FLCN: variants seen among roughly 807,000 people sequenced by gnomAD.
The protein encoded by FLCN is folliculin, also known as BHD skin lesion fibrofolliculoma protein.
FLCN carries 22 observed loss-of-function variants against 62.5 expected under a neutral mutation model. That is an observed-to-expected ratio of 0.35 (90% CI 0.25 to 0.50). The LOEUF (loss-of-function observed/expected upper bound fraction) is 0.50, where lower values mean the gene tolerates loss of function less well. Among genes scored for constraint, FLCN ranks in the 20% least tolerant of loss-of-function variants. The pLI, the probability that FLCN is intolerant of heterozygous loss-of-function variation, is 0.97. For synonymous variants in FLCN, 319 were observed against 310.0 expected, an observed-to-expected ratio of 1.03 and a Z score of -0.30; for missense variants, 657 against 778.0, an observed-to-expected ratio of 0.84 and a Z score of 1.85.
At chr17:17,221,154 G>A in intron 8 of FLCN, 3 of 1,429,848 alleles carry the variant, frequency 2.1e-6, no homozygotes, top group Non-Finnish European at 1.8e-6. Context: ...GCCCTTCATG[G>A]AAAACTTGGG....
chr17:17,212,284 C>T lies in FLCN; in HGVS notation c.*1371G>A, dbSNP rs929779715. 3 of 173,136 alleles carry T rather than the reference C, an allele frequency of 1.7e-5. No individual in the cohort carries two copies. The highest frequency in any genetic ancestry group is 4.8e-5 in the African/African-American group (2 of 42,016). The allele number at this position is 173,136 out of a possible 1,614,324, so 10.7% of individuals were successfully genotyped here. ...AGATACCTAGTTATATAAACTTGGT[C>T]TTCATGTTAAATATAAACACAAAAA... On this transcript the variant is annotated 3_prime_UTR_variant, in exon 14 of 14. Transcript: ENST00000285071.
chr17:17,228,283 C>G, intron 3 of FLCN, 122 bp from the exon 4 acceptor site: 1 of 1,212,610 alleles, frequency 8.2e-7, no homozygotes, highest in Non-Finnish European at 1.1e-6. Context: ...GAGAGGCCAC[C>G]CGCCAGTTCC....
intron 8 of FLCN, chr17:17,219,482 G>T: frequency 2.4e-6 from 1 of 415,692 alleles, no homozygotes. Flanking sequence ...AAATCAGTAA[G>T]AAAAATGCCA....
rs771202158 is a variant in FLCN at position 17,227,928 on chromosome 17, C to T, written c.210G>A (p.Glu70=). 3 of 1,614,044 alleles carry T rather than the reference C, an allele frequency of 1.9e-6. No individual in the cohort carries two copies. The highest frequency in any genetic ancestry group is 1.7e-5 in the Admixed American group (1 of 60,012). The change falls in exon 4 of 14, where the codon GAG becomes GAA. Residue 70 remains glutamate, a synonymous_variant. Transcript: ENST00000285071. ...AHSPAEGASV[E]SSSPGPKKSD... ...ACTTTTTGGGCCCCGGGCTGCTGGA[C>T]TCGACGCTGGCCCCCTCTGCGGGGC...
chr17:17,228,317 TG>T (rs2047322160), intron 3 of FLCN, 156 bp from the exon 4 acceptor site: 1 of 842,656 alleles, frequency 1.2e-6, no homozygotes, highest in Non-Finnish European at 1.8e-6. Flanking sequence ...AGCACTGCTT[TG>T]CCCCAGTGCG....
At chr17:17,222,467 T>A in intron 7 of FLCN, 34 bp downstream of exon 7, 1 of 1,613,900 alleles carries the variant, frequency 6.2e-7, no homozygotes. Context: ...TGCTCTATCC[T>A]AACAGATATG....
intron 2 of FLCN, among the ~76,000 whole-genome samples, chr17:17,232,127 C>T (rs1449320592): frequency 6.6e-6 from 1 of 152,222 alleles, no homozygotes; most frequent in Non-Finnish European, 1.5e-5. Flanking sequence ...AAGATGCAGG[C>T]TGCAGGACAG....
At chr17:17,219,975 A>G (rs2047042468) in intron 8 of FLCN, 1 of 152,208 alleles carries the variant, frequency 6.6e-6, no homozygotes, top group Non-Finnish European at 1.5e-5. Context: ...ATAGTATCCA[A>G]TAGAAAGCAT....
Position 17,219,034 on chromosome 17 carries a change from G to C in FLCN, c.1047C>G (p.Leu349=). Residue 349 remains leucine, a synonymous_variant, in exon 9 of 14, where the codon CTC becomes CTG. Transcript: ENST00000285071. ...TGCCGCCTACCTGCCTCATGTGCCG[G>C]AGGGACTTGAAGACTGGCAGCTTCC... ...QPRKLPVFKS[L]RHMRQVLGAP... 2 of 1,613,768 alleles carry C rather than the reference G, an allele frequency of 1.2e-6. No homozygotes were observed. The highest frequency in any genetic ancestry group is 1.7e-6 in the Non-Finnish European group (2 of 1,179,998).
chr17:17,229,504 CAT>C (rs34682385), intron 3 of FLCN: 68,514 of 152,208 alleles, frequency 0.45, 18,486 homozygotes, highest in East Asian at 0.62. Context: ...TCCTCAAAGC[CAT>C]AGAGACAGAG....
chr17:17,227,757 C>T (rs368829686), intron 4 of FLCN, 132 bp downstream of exon 4: 11 of 1,277,164 alleles, frequency 8.6e-6, no homozygotes, highest in African/African-American at 5.9e-5. Flanking sequence ...TCAGGATGAG[C>T]GGAAAGAACT....
At chr17:17,230,586 C>T (rs948298733) in intron 3 of FLCN, among the ~76,000 whole-genome samples, 8 of 151,482 alleles carry the variant, frequency 5.3e-5, no homozygotes, top group African/African-American at 1.2e-4. Flanking sequence ...CTTAGCTGGG[C>T]GTGTTGGCGG....
chr17:17,226,770 G>A (rs965762611), intron 4 of FLCN, among the ~76,000 whole-genome samples: 3 of 152,146 alleles, frequency 2.0e-5, no homozygotes, highest in African/African-American at 4.8e-5. Context: ...ACCTGGAAGG[G>A]GCTTCAGCCA....
At chr17:17,222,787 G>T in intron 6 of FLCN, 126 bp from the exon 7 acceptor site, 1 of 1,116,072 alleles carries the variant, frequency 9.0e-7, no homozygotes, top group Non-Finnish European at 1.3e-6. Context: ...CTCTCTCCAT[G>T]CAGAGCACAC....
At chr17:17,215,828 C>T (rs575866674) in intron 11 of FLCN, among the ~76,000 whole-genome samples, 13 of 152,258 alleles carry the variant, frequency 8.5e-5, no homozygotes, top group African/African-American at 2.6e-4. Context: ...TGCTGGTCAC[C>T]GCTGTGCTGG....
rs148540578 is a variant in FLCN, at chr17:17,227,817, T to G, written c.249+72A>C. The G allele has an allele frequency of 2.0e-4, 315 of 1,610,504 alleles. 2 individuals carry two copies. In the East Asian group the frequency reaches 5.7e-3, roughly 29 times the overall value. On this transcript the variant is annotated intron_variant, in intron 4 of 13. Transcript: ENST00000285071. ...TGTCACCCCGGGAGGCCCCGTCCAC[T>G]GCTCTCAGGTCCTCCTGTCCATCCC...
Position 17,222,565 on chromosome 17 carries a change from G to A in FLCN, c.715C>T (p.Arg239Cys), listed in dbSNP as rs78683075. ...TCACTTGTCAGCGATGTCAGCGAGCGGGCGGCGTTGCCGTTCCTCTGGTGT... is the reference window on the plus strand; with the variant it reads ...TCACTTGTCAGCGATGTCAGCGAGCAGGCGGCGTTGCCGTTCCTCTGGTGT... The part of the protein sequence containing the change: ...FLHQRNGNAA[R>C]SLTSLTSDDN... Residue 239 changes from arginine to cysteine, a missense_variant, in exon 7 of 14, where the codon CGC (arginine) becomes TGC (cysteine). Transcript: ENST00000285071. 707 of 1,614,232 alleles carry A rather than the reference G, an allele frequency of 4.4e-4. 1 individual carries two copies. The highest frequency in any genetic ancestry group is 5.6e-4 in the Non-Finnish European group (660 of 1,180,052).
Position 17,217,160 on chromosome 17 carries a change from C to A in FLCN, c.1085G>T (p.Arg362Leu), listed in dbSNP as rs559055296. 8 of 1,613,860 alleles carry A rather than the reference C, an allele frequency of 5.0e-6. No individual in the cohort carries two copies. The East Asian group carries it at 6.7e-5, about 13-fold the overall frequency. Residue 362 changes from arginine to leucine, a missense_variant, in exon 10 of 14, where the codon CGC becomes CTC. Physicochemically the swap from Arg to Leu is moderately radical, Grantham distance 102. Transcript: ENST00000285071. Reference protein sequence around the residue: ...MRQVLGAPSFRMLAWHVLMGN... With the variant: ...MRQVLGAPSFLMLAWHVLMGN... The stretch of plus-strand genomic sequence containing the variant: ...CATGAGAACGTGCCAGGCCAGCATG[C>A]GGAAAGAAGGGGCACCCAGGACCTA...
At chr17:17,227,422 A>G (rs1384776554) in intron 4 of FLCN, among the ~76,000 whole-genome samples, 2 of 152,150 alleles carry the variant, frequency 1.3e-5, no homozygotes, top group Non-Finnish European at 2.9e-5. Context: ...GGGTTAAAGA[A>G]GTTAACATAG....
Sources: gnomAD v4.1 joint callset for allele counts (sites outside exome capture counted in the v4.1 genomes callset) on GRCh38, gnomAD v4.1.1 for gene constraint, MANE v1.5 for transcripts, NCBI Gene and HGNC (gene_info 2026-07-23, HGNC 2026-07-21) for gene names.